CDH18: variants seen among roughly 807,000 people sequenced by gnomAD.
CDH18 encodes the protein cadherin-18.
In CDH18, 31 loss-of-function variants were observed where a neutral mutation model predicts 67.9. The observed-to-expected ratio is 0.46, with a 90% CI of 0.34 to 0.62. The LOEUF is 0.62. CDH18 is among the 20% of genes least tolerant of loss of function. The pLI, the probability that CDH18 is intolerant of heterozygous loss-of-function variation, is 0.01. For synonymous variants in CDH18, 362 were observed against 347.2 expected (o/e 1.04, Z -0.48); for missense variants, 890 against 975.5 (o/e 0.91, Z 1.17).
chr5:20,154,036 C>A (rs1751337815), intron 2 of CDH18, among the ~76,000 whole-genome samples: 2 of 152,160 alleles, frequency 1.3e-5, no homozygotes, highest in African/African-American at 4.8e-5. Flanking sequence ...ATAGAAACTA[C>A]TACCACCATT....
At chr5:19,475,761 G>C (rs1738355029) in intron 12 of CDH18, among the ~76,000 whole-genome samples, 1 of 151,460 alleles carries the variant, frequency 6.6e-6, no homozygotes, top group Non-Finnish European at 1.5e-5. Flanking sequence ...CATTTATCTG[G>C]GTATACTGCA....
intron 2 of CDH18, among the ~76,000 whole-genome samples, chr5:20,200,311 G>C (rs574114771): frequency 6.6e-6 from 1 of 152,234 alleles, no homozygotes; most frequent in South Asian, 2.1e-4. Flanking sequence ...TGGGTCTTTT[G>C]CTTACAAACT....
chr5:19,684,273 A>C (rs1010466877), intron 5 of CDH18, among the ~76,000 whole-genome samples: 6 of 151,996 alleles, frequency 3.9e-5, no homozygotes, highest in African/African-American at 1.2e-4. Context: ...AATCCTATAA[A>C]TATATGATCT....
intron 3 of CDH18, among the ~76,000 whole-genome samples, chr5:19,787,584 G>A (rs1775943252): frequency 6.6e-6 from 1 of 152,006 alleles, no homozygotes; most frequent in Non-Finnish European, 1.5e-5. Context: ...AGAAGACTAA[G>A]CTATTGTGAC....
At chr5:20,379,497 C>T (rs1192428628) in intron 1 of CDH18, among the ~76,000 whole-genome samples, 2 of 152,018 alleles carry the variant, frequency 1.3e-5, no homozygotes, top group Non-Finnish European at 2.9e-5. Flanking sequence ...ATTTCAGGTA[C>T]CTCTATACAG....
At chr5:19,542,018 C>T (rs1358666029) in intron 9 of CDH18, among the ~76,000 whole-genome samples, 1 of 152,134 alleles carries the variant, frequency 6.6e-6, no homozygotes, top group African/African-American at 2.4e-5. Context: ...TACAATTGAA[C>T]TCACTCATGG....
intron 2 of CDH18, among the ~76,000 whole-genome samples, chr5:20,076,895 A>G (rs1160730401): frequency 6.6e-6 from 1 of 152,218 alleles, no homozygotes; most frequent in Admixed American, 6.5e-5. Context: ...TAATAAATAT[A>G]TGGATTGCCA....
At chr5:19,530,648 T>C (rs1392407171) in intron 9 of CDH18, among the ~76,000 whole-genome samples, 2 of 152,140 alleles carry the variant, frequency 1.3e-5, no homozygotes, top group South Asian at 2.1e-4. Flanking sequence ...GTGTTCTCAT[T>C]GTTCAATTCC....
intron 1 of CDH18, among the ~76,000 whole-genome samples, chr5:20,365,344 C>G (rs1417033674): frequency 1.3e-5 from 2 of 152,106 alleles, no homozygotes; most frequent in African/African-American, 4.8e-5. Context: ...TCTCCAAATA[C>G]CATCACATTA....
At chr5:19,564,885 G>A (rs1740086668) in intron 8 of CDH18, among the ~76,000 whole-genome samples, 1 of 151,924 alleles carries the variant, frequency 6.6e-6, no homozygotes, top group African/African-American at 2.4e-5. Context: ...GCTGACAGAA[G>A]AGCCCATGGG....
At chr5:20,157,899 C>T (rs1751674001) in intron 2 of CDH18, among the ~76,000 whole-genome samples, 2 of 152,234 alleles carry the variant, frequency 1.3e-5, no homozygotes, top group Admixed American at 6.5e-5. Flanking sequence ...CTTGGCCTCC[C>T]AAAGTGCTGG....
intron 1 of CDH18, among the ~76,000 whole-genome samples, chr5:20,490,253 GT>G (rs1753507976): frequency 6.6e-6 from 1 of 152,112 alleles, no homozygotes; most frequent in East Asian, 1.9e-4. Context: ...ATTATAGTGT[GT>G]CATTTTTAGA....
intron 5 of CDH18, among the ~76,000 whole-genome samples, chr5:19,712,465 G>A (rs1764822641): frequency 6.6e-6 from 1 of 151,970 alleles, no homozygotes; most frequent in South Asian, 2.1e-4. Context: ...GTTTTAGGAG[G>A]AATGTAAAAA....
intron 1 of CDH18, among the ~76,000 whole-genome samples, chr5:20,509,638 C>CTTGATGGGGT: frequency 4.6e-5 from 7 of 152,184 alleles, no homozygotes; most frequent in African/African-American, 1.2e-4. Context: ...CCAGGATAGT[C>CTTGATGGGGT]TCGATCTCCT....
chr5:20,255,829 C>T (rs112610879), intron 1 of CDH18, among the ~76,000 whole-genome samples: 5,816 of 151,992 alleles, frequency 0.038, 365 homozygotes, highest in African/African-American at 0.13. Flanking sequence ...TTTATTTAAA[C>T]ACTTAGTATT....
At chr5:19,612,058 A>T (rs1319767319) in intron 6 of CDH18, among the ~76,000 whole-genome samples, 1 of 151,998 alleles carries the variant, frequency 6.6e-6, no homozygotes, top group African/African-American at 2.4e-5. Flanking sequence ...TCAGTCACAG[A>T]ATGTATGGAA....
At chr5:19,851,151 C>T (rs1025694473) in intron 2 of CDH18, among the ~76,000 whole-genome samples, 15 of 151,806 alleles carry the variant, frequency 9.9e-5, no homozygotes, top group African/African-American at 2.2e-4. Context: ...TCCATTTACA[C>T]GGGGAATTTG....
intron 5 of CDH18, among the ~76,000 whole-genome samples, chr5:19,663,813 T>C (rs1441062257): frequency 3.9e-5 from 6 of 151,938 alleles, no homozygotes; most frequent in African/African-American, 1.2e-4. Context: ...CGGTGTTATA[T>C]GATGGAATTA....
chr5:19,591,500 C>A (rs1194457683), intron 6 of CDH18, among the ~76,000 whole-genome samples: 2 of 151,896 alleles, frequency 1.3e-5, no homozygotes, highest in African/African-American at 4.8e-5. Flanking sequence ...TAGCTCTAAA[C>A]CCTTAAGCTA....
Sources: gnomAD v4.1 joint callset for allele counts (sites outside exome capture counted in the v4.1 genomes callset) on GRCh38, gnomAD v4.1.1 for gene constraint, MANE v1.5 for transcripts, NCBI Gene and HGNC (gene_info 2026-07-23, HGNC 2026-07-21) for gene names.